The following CDH12 variants were observed in gnomAD, a reference collection of about 807,000 sequenced individuals.
CDH12 encodes the protein cadherin-12.
In CDH12, 41 loss-of-function variants were observed where a neutral mutation model predicts 74.1. The observed-to-expected ratio is 0.55, with a 90% CI of 0.43 to 0.72. The LOEUF (loss-of-function observed/expected upper bound fraction) is 0.72, where lower values mean the gene tolerates loss of function less well. CDH12 is among the 30% of genes least tolerant of loss of function. CDH12 has a pLI of 0.00. For synonymous variants in CDH12, 399 were observed against 355.0 expected, an observed-to-expected ratio of 1.12 and a Z score of -1.39; for missense variants, 945 against 977.2, an observed-to-expected ratio of 0.97 and a Z score of 0.44.
intron 1 of CDH12, among the ~76,000 whole-genome samples, chr5:22,719,632 C>G (rs1245707889): frequency 1.3e-5 from 2 of 152,096 alleles, no homozygotes; most frequent in African/African-American, 4.8e-5. Flanking sequence ...GCCATAATTT[C>G]TGGATATGCT....
chr5:22,712,108 G>C (rs1257138239), intron 1 of CDH12, among the ~76,000 whole-genome samples: 1 of 151,672 alleles, frequency 6.6e-6, no homozygotes, highest in Non-Finnish European at 1.5e-5. Context: ...CTCAGTAAGT[G>C]GTGTTATAGG....
intron 1 of CDH12, among the ~76,000 whole-genome samples, chr5:22,604,296 T>C (rs1235487325): frequency 2.0e-5 from 3 of 152,190 alleles, no homozygotes; most frequent in Non-Finnish European, 2.9e-5. Flanking sequence ...CCAGCACTTG[T>C]GACTATCAGA....
intron 5 of CDH12, among the ~76,000 whole-genome samples, chr5:21,976,157 T>C (rs888706610): frequency 6.6e-6 from 1 of 152,194 alleles, no homozygotes; most frequent in Non-Finnish European, 1.5e-5. Context: ...CCTTTCAGAT[T>C]CACAAATAGC....
chr5:21,871,189 G>C (rs1751599326), intron 6 of CDH12, among the ~76,000 whole-genome samples: 1 of 152,118 alleles, frequency 6.6e-6, no homozygotes, highest in Non-Finnish European at 1.5e-5. Flanking sequence ...TTATCAATTA[G>C]GAGAGGCTGC....
At chr5:22,153,449 G>A (rs377286593) in intron 4 of CDH12, among the ~76,000 whole-genome samples, 1 of 151,706 alleles carries the variant, frequency 6.6e-6, no homozygotes, top group Non-Finnish European at 1.5e-5. Context: ...TTTGGAATGG[G>A]TCACCCATGC....
chr5:22,632,684 C>T (rs1205955921), intron 1 of CDH12, among the ~76,000 whole-genome samples: 1 of 151,700 alleles, frequency 6.6e-6, no homozygotes, highest in Non-Finnish European at 1.5e-5. Context: ...TGTAGGGCAC[C>T]ATCAACTGTA....
intron 3 of CDH12, among the ~76,000 whole-genome samples, chr5:22,353,658 A>AAAAT (rs1328051471): frequency 6.6e-6 from 1 of 152,158 alleles, no homozygotes; most frequent in African/African-American, 2.4e-5. Flanking sequence ...TTATAGTAAA[A>AAAAT]AAATACAGAC....
chr5:21,818,706 C>T (rs1748201979), intron 8 of CDH12, among the ~76,000 whole-genome samples: 1 of 151,902 alleles, frequency 6.6e-6, no homozygotes, highest in African/African-American at 2.4e-5. Flanking sequence ...CAGTGGTCCA[C>T]AAGAGTTATA....
intron 3 of CDH12, among the ~76,000 whole-genome samples, chr5:22,396,234 C>T (rs1165009241): frequency 6.6e-6 from 1 of 151,854 alleles, no homozygotes; most frequent in African/African-American, 2.4e-5. Context: ...TTCTAGTGTA[C>T]AATGAGAAAA....
At chr5:21,968,872 G>T (rs1428744296) in intron 6 of CDH12, among the ~76,000 whole-genome samples, 6 of 151,934 alleles carry the variant, frequency 3.9e-5, no homozygotes, top group African/African-American at 1.5e-4. Context: ...GCAAAGTAAC[G>T]CAGGAACAGA....
chr5:22,402,072 T>C (rs928497251), intron 3 of CDH12, among the ~76,000 whole-genome samples: 2 of 152,176 alleles, frequency 1.3e-5, no homozygotes, highest in South Asian at 2.1e-4. Context: ...TGTGTGGCCA[T>C]TTGTTACGAC....
At chr5:22,408,372 CT>C (rs1401444542) in intron 2 of CDH12, among the ~76,000 whole-genome samples, 1 of 140,966 alleles carries the variant, frequency 7.1e-6, no homozygotes, top group Non-Finnish European at 1.6e-5. Flanking sequence ...GGTCTCTGTC[CT>C]TTTTTTCAAA....
chr5:22,611,052 G>A (rs1366363167), intron 1 of CDH12, among the ~76,000 whole-genome samples: 2 of 151,994 alleles, frequency 1.3e-5, no homozygotes, highest in Admixed American at 6.6e-5. Context: ...ACTGTATTAC[G>A]CATATCATCA....
chr5:22,090,488 C>CA (rs57410067), intron 4 of CDH12, among the ~76,000 whole-genome samples: 5,340 of 130,692 alleles, frequency 0.041, 140 homozygotes, highest in African/African-American at 0.06. Flanking sequence ...TCTGTAAACT[C>CA]AAAAAAAAAA....
At chr5:22,464,395 C>T (rs1324002887) in intron 2 of CDH12, among the ~76,000 whole-genome samples, 1 of 152,060 alleles carries the variant, frequency 6.6e-6, no homozygotes, top group Non-Finnish European at 1.5e-5. Context: ...TTCTTTTGTT[C>T]TTTCCTCAAC....
Position 21,960,793 on chromosome 5 carries a change from A to G in CDH12, c.526+14298T>C, listed in dbSNP as rs4028738. On this transcript the variant is annotated intron_variant, in intron 6 of 14. Transcript: ENST00000382254. ...TTATATGTTTGCCTGTCTTTCTATTAGAATTGAGATACAGCAAAATGCACA... is the reference window on the plus strand; with the variant it reads ...TTATATGTTTGCCTGTCTTTCTATTGGAATTGAGATACAGCAAAATGCACA... 7.5e-3 allele frequency among the ~76,000 whole-genome samples: 1,134 copies of G among 152,102 alleles called. 13 individuals are homozygous for G. Among genetic ancestry groups the G allele is most frequent in the African/African-American group, 0.026 (1,062 of 41,526 alleles).
At chr5:21,790,867 T>C (rs760310380) in intron 10 of CDH12, among the ~76,000 whole-genome samples, 4 of 152,036 alleles carry the variant, frequency 2.6e-5, no homozygotes, top group Admixed American at 6.6e-5. Flanking sequence ...ACTTGAACTA[T>C]GAAGCTCCCA....
intron 6 of CDH12, among the ~76,000 whole-genome samples, chr5:21,912,269 T>C (rs886834481): frequency 2.6e-5 from 4 of 151,630 alleles, no homozygotes; most frequent in Non-Finnish European, 4.4e-5. Context: ...GAAAACAAAA[T>C]GAGAAACAGA....
chr5:22,150,671 G>T (rs539255141), intron 4 of CDH12, among the ~76,000 whole-genome samples: 2 of 152,106 alleles, frequency 1.3e-5, no homozygotes, highest in African/African-American at 2.4e-5. Flanking sequence ...GTGGCCAAAA[G>T]AAATGGAATC....
Sources: gnomAD v4.1 joint callset for allele counts (sites outside exome capture counted in the v4.1 genomes callset) on GRCh38, gnomAD v4.1.1 for gene constraint, MANE v1.5 for transcripts, NCBI Gene and HGNC (gene_info 2026-07-23, HGNC 2026-07-21) for gene names.